Variants in LNX1 observed in about 807,000 individuals in gnomAD.
LNX1 encodes the protein ligand of numb-protein X 1.
Under a neutral mutation model 68.4 loss-of-function variants are expected in LNX1, and 54 were observed. The ratio of observed to expected loss-of-function variants is 0.79; its 90% CI spans 0.63 to 0.99. LNX1 has a LOEUF of 0.99. LNX1 is among the 50% of genes least tolerant of loss of function. The pLI is 0.00. For missense variants in LNX1, 906 were observed against 926.4 expected (o/e 0.98, Z 0.29); for synonymous variants, 336 against 350.0 (o/e 0.96, Z 0.45).
intron 4 of LNX1, among the ~76,000 whole-genome samples, chr4:53,505,261 A>G (rs1725793717): frequency 7.5e-6 from 1 of 133,612 alleles, no homozygotes; most frequent in African/African-American, 2.7e-5. Flanking sequence ...CTTTTTCAAG[A>G]TAACTTTTTT....
chr4:53,563,834 G>T (rs1730451366), intron 2 of LNX1, among the ~76,000 whole-genome samples: 1 of 152,208 alleles, frequency 6.6e-6, no homozygotes, highest in African/African-American at 2.4e-5. Context: ...CACCTGGCCA[G>T]GTTAACTTCA....
intron 2 of LNX1, chr4:53,549,388 C>T (rs1729339087): frequency 6.6e-6 from 1 of 151,784 alleles, no homozygotes; most frequent in South Asian, 2.1e-4. Flanking sequence ...TTTGCCAAAG[C>T]TATATTCCTC....
At chr4:53,636,030 A>G (rs1241000206) in intron 1 of LNX1, among the ~76,000 whole-genome samples, 1 of 152,134 alleles carries the variant, frequency 6.6e-6, no homozygotes, top group East Asian at 1.9e-4. Context: ...CAGGTCAGTT[A>G]AAATCTCTGT....
At chr4:53,637,389 G>A (rs959805054) in intron 1 of LNX1, among the ~76,000 whole-genome samples, 3 of 151,902 alleles carry the variant, frequency 2.0e-5, no homozygotes, top group African/African-American at 7.3e-5. Flanking sequence ...GGTCCATGGT[G>A]CAGCTCTTAT....
chr4:53,471,752 G>A (rs1482023429), intron 9 of LNX1, among the ~76,000 whole-genome samples: 4 of 152,244 alleles, frequency 2.6e-5, no homozygotes, highest in Non-Finnish European at 4.4e-5. Flanking sequence ...ATCATCACTG[G>A]CCATCAGAGA....
intron 1 of LNX1, among the ~76,000 whole-genome samples, chr4:53,642,150 AG>A (rs1315052892): frequency 1.3e-5 from 2 of 151,374 alleles, no homozygotes; most frequent in Non-Finnish European, 2.9e-5. Flanking sequence ...TGAGCTCAAA[AG>A]GTTGAGGCTG....
At chr4:53,486,882 T>A (rs536170763) in intron 6 of LNX1, among the ~76,000 whole-genome samples, 4 of 152,026 alleles carry the variant, frequency 2.6e-5, no homozygotes, top group Admixed American at 2.6e-4. Flanking sequence ...TGGCATTGCA[T>A]GAATCCATAC....
At chr4:53,535,755 C>T (rs551030803) in intron 2 of LNX1, among the ~76,000 whole-genome samples, 1 of 152,294 alleles carries the variant, frequency 6.6e-6, no homozygotes, top group South Asian at 2.1e-4. Flanking sequence ...TGCCTTTATG[C>T]CATCTCTCTT....
intron 2 of LNX1, among the ~76,000 whole-genome samples, chr4:53,557,572 C>T (rs534133400): frequency 7.3e-5 from 11 of 151,246 alleles, no homozygotes; most frequent in East Asian, 3.9e-4. Flanking sequence ...GTTCTATTTA[C>T]GGAAGGAAGA....
At chr4:53,535,852 AACTGTATGTCT>A (rs1728336125) in intron 2 of LNX1, among the ~76,000 whole-genome samples, 3 of 152,202 alleles carry the variant, frequency 2.0e-5, no homozygotes, top group Non-Finnish European at 4.4e-5. Flanking sequence ...GGCTGGGACT[AACTGTATGTCT>A]ACATTTGATA....
chr4:53,504,066 C>A (rs1725695254), intron 4 of LNX1, among the ~76,000 whole-genome samples: 1 of 152,178 alleles, frequency 6.6e-6, no homozygotes, highest in Non-Finnish European at 1.5e-5. Flanking sequence ...ACCCAGGAGG[C>A]AGAGGTTGCA....
chr4:53,569,535 C>T (rs1235394788), intron 2 of LNX1, among the ~76,000 whole-genome samples: 45 of 133,632 alleles, frequency 3.4e-4, no homozygotes, highest in African/African-American at 1.1e-3. Flanking sequence ...AAGACTTAAA[C>T]GTTAGACCTA....
intron 2 of LNX1, among the ~76,000 whole-genome samples, chr4:53,558,870 G>A (rs1577712387): frequency 6.6e-6 from 1 of 152,054 alleles, no homozygotes; most frequent in African/African-American, 2.4e-5. Flanking sequence ...GGTCTGTCAG[G>A]GACTGGGCCA....
At chr4:53,559,084 C>T (rs1175017859) in intron 2 of LNX1, among the ~76,000 whole-genome samples, 1 of 152,142 alleles carries the variant, frequency 6.6e-6, no homozygotes, top group Non-Finnish European at 1.5e-5. Flanking sequence ...TAATTACATT[C>T]ATCACATTAA....
At chr4:53,585,674 A>G (rs1732125910) in intron 1 of LNX1, among the ~76,000 whole-genome samples, 1 of 152,168 alleles carries the variant, frequency 6.6e-6, no homozygotes, top group Admixed American at 6.5e-5. Context: ...AGAGGCAGAG[A>G]TTGGAATTAT....
At chr4:53,621,510 G>T (rs1311969275), upstream of LNX1, among the ~76,000 whole-genome samples, 2 of 152,176 alleles carry the variant, frequency 1.3e-5, no homozygotes, top group Non-Finnish European at 2.9e-5. Flanking sequence ...ACAATGGATG[G>T]ATGAATGAGA....
rs1338673652 is a variant in LNX1 at position 53,481,936 on chromosome 4, TTGA to T, written c.1351-85_1351-83del. On this transcript the variant is annotated intron_variant, in intron 6 of 10. Transcript: ENST00000263925. Reference sequence around the variant, plus strand: ...ACCAGGAGCTTACAAAAACATCACTTTGATTATACCATTTTTTTATGGCAAAAC... The same window carrying T: ...ACCAGGAGCTTACAAAAACATCACTTTTATACCATTTTTTTATGGCAAAAC... The T allele has an allele frequency of 1.7e-5, 24 of 1,424,006 alleles. No individual in the cohort carries two copies. In the African/African-American group the frequency reaches 3.4e-4, roughly 20 times the overall value. 88.2% of individuals were successfully genotyped at this position (1,424,006 alleles called of 1,614,324 possible). A position where few individuals can be genotyped will look rare whatever the true frequency, so the allele number is the denominator to read the frequency against.
At chr4:53,593,651 G>C (rs1445841244), upstream of LNX1, among the ~76,000 whole-genome samples, 1 of 151,664 alleles carries the variant, frequency 6.6e-6, no homozygotes, top group East Asian at 1.9e-4. Flanking sequence ...ATATGCAGGG[G>C]TTAAAAAAAA....
At chr4:53,618,157 A>G (rs1450335609), upstream of LNX1, among the ~76,000 whole-genome samples, 4 of 152,194 alleles carry the variant, frequency 2.6e-5, no homozygotes, top group Non-Finnish European at 4.4e-5. Context: ...TTGCCTACCA[A>G]ATAAATCCTT....
Sources: gnomAD v4.1 joint callset for allele counts (sites outside exome capture counted in the v4.1 genomes callset) on GRCh38, gnomAD v4.1.1 for gene constraint, MANE v1.5 for transcripts, NCBI Gene and HGNC (gene_info 2026-07-23, HGNC 2026-07-21) for gene names.